The following ZNF831 variants were observed in gnomAD, a reference collection of about 807,000 sequenced individuals.
The protein encoded by ZNF831 is chromosome 20 open reading frame 174.
A neutral mutation model predicts 95.8 loss-of-function variants in ZNF831; 59 were observed. The ratio of observed to expected loss-of-function variants is 0.62; its 90% CI spans 0.50 to 0.77. The LOEUF is 0.77. Ranked by LOEUF, ZNF831 falls within the 30% of genes least tolerant of loss-of-function variation. The pLI is 0.00. For synonymous variants in ZNF831, 961 were observed against 925.5 expected (o/e 1.04, Z -0.70); for missense variants, 2,205 against 2,164.0 (o/e 1.02, Z -0.38).
At position 59,192,703 on chromosome 20, in the gene ZNF831, G is replaced by A. The variant is rs751527323; in HGVS notation, c.1684G>A (p.Val562Ile). 6.3e-7 allele frequency: 1 copy of A among 1,593,878 alleles called. No homozygotes were observed. The highest frequency in any genetic ancestry group is 1.1e-5 in the South Asian group (1 of 88,828). ...DVPSGHPRALVRQAAVEDLPG... is the reference protein window; with the variant it reads ...DVPSGHPRALIRQAAVEDLPG... ...TCCCAGTGGGCATCCCCGGGCCCTG[G>A]TCAGACAGGCCGCGGTGGAGGACCT... The change falls in exon 2 of 6, where the codon GTC becomes ATC. Residue 562 changes from valine to isoleucine, a missense_variant. Physicochemically the swap from Val to Ile is conservative, Grantham distance 29 (BLOSUM62 3). Transcript: ENST00000371030. This position sits in a 1 kb window ranked among gnomAD's most constrained non-coding sequence, Gnocchi z 5.2.
intron 1 of ZNF831, among the ~76,000 whole-genome samples, chr20:59,171,225 A>G (rs1981708657): frequency 6.6e-6 from 1 of 152,222 alleles, no homozygotes; most frequent in Non-Finnish European, 1.5e-5. Context: ...TGGAAACTGC[A>G]GGAAGCCTCT....
chr20:59,188,746 C>CAG (rs1983270076), intron 1 of ZNF831, among the ~76,000 whole-genome samples: 1 of 152,188 alleles, frequency 6.6e-6, no homozygotes, highest in South Asian at 2.1e-4. Flanking sequence ...ATATATCATG[C>CAG]ATATAATTTG....
At chr20:59,146,471 C>G (rs181268431) in intron 2 of ZNF831, 1 of 152,308 alleles carries the variant, frequency 6.6e-6, no homozygotes, top group East Asian at 1.9e-4. Flanking sequence ...CTGTTGCCTC[C>G]CGAGTGATTC....
intron 4 of ZNF831, among the ~76,000 whole-genome samples, chr20:59,235,651 C>A (rs1016557825): frequency 2.6e-5 from 4 of 152,188 alleles, no homozygotes; most frequent in African/African-American, 9.6e-5. Flanking sequence ...ATACCCTGGA[C>A]CTATAATCAG....
chr20:59,166,986 T>C lies in ZNF831; in HGVS notation c.-37+2779T>C, dbSNP rs1981323209. Among the ~76,000 whole-genome samples the C allele has an allele frequency of 3.3e-5, 5 of 152,256 alleles. No homozygotes were observed. The South Asian group carries it at 1.0e-3, about 31-fold the overall frequency. On this transcript the variant is annotated intron_variant, in intron 1 of 5. Coordinates refer to ENST00000371030, the MANE Select transcript of ZNF831 (RefSeq NM_178457.3). ...TTGAATAATAGTCCCATGTTTGATT[T>C]GTTAAGAAATGGCCACCCTTTTTTC...
At chr20:59,232,044 A>C (rs139035776) in intron 4 of ZNF831, among the ~76,000 whole-genome samples, 1 of 152,276 alleles carries the variant, frequency 6.6e-6, no homozygotes, top group East Asian at 1.9e-4. Flanking sequence ...GGGAGATCTT[A>C]TGGATAGACC....
intron 3 of ZNF831, among the ~76,000 whole-genome samples, chr20:59,204,802 G>T (rs1174363082): frequency 6.6e-6 from 1 of 152,192 alleles, no homozygotes; most frequent in Non-Finnish European, 1.5e-5. Flanking sequence ...GAGGGGACTT[G>T]CATGGCTGGT....
At chr20:59,149,967 C>T (rs561277475) in intron 2 of ZNF831, among the ~76,000 whole-genome samples, 247 of 152,336 alleles carry the variant, frequency 1.6e-3, no homozygotes, top group African/African-American at 5.7e-3. Flanking sequence ...CCCTTTGCCC[C>T]GCCATGGCCC....
chr20:59,144,941 C>T (rs538252730), intron 1 of ZNF831, among the ~76,000 whole-genome samples: 1 of 152,194 alleles, frequency 6.6e-6, no homozygotes, highest in African/African-American at 2.4e-5. Flanking sequence ...ATTTGTCCCA[C>T]AGTGCTTGTT....
chr20:59,197,231 G>A (rs1299319603), intron 3 of ZNF831, among the ~76,000 whole-genome samples: 4 of 152,100 alleles, frequency 2.6e-5, no homozygotes, highest in Admixed American at 6.5e-5. Flanking sequence ...ATGGTCTGCC[G>A]GGACCATGTG....
At chr20:59,176,077 A>G (rs1339349582) in intron 1 of ZNF831, among the ~76,000 whole-genome samples, 1 of 152,216 alleles carries the variant, frequency 6.6e-6, no homozygotes, top group Non-Finnish European at 1.5e-5. Context: ...TGCCTCCCAC[A>G]GAAAGAGGGA....
At chr20:59,123,871 T>C (rs1979080579) in intron 1 of ZNF831, among the ~76,000 whole-genome samples, 1 of 152,214 alleles carries the variant, frequency 6.6e-6, no homozygotes. Flanking sequence ...ATCAGGCATC[T>C]CATCCACAGA....
intron 1 of ZNF831, among the ~76,000 whole-genome samples, chr20:59,128,109 G>A (rs1449074866): frequency 1.3e-5 from 2 of 152,146 alleles, no homozygotes; most frequent in Non-Finnish European, 2.9e-5. Context: ...AGACATTTAT[G>A]TAAATTTTCA....
At chr20:59,225,734 A>G (rs547806601) in intron 4 of ZNF831, among the ~76,000 whole-genome samples, 7 of 152,224 alleles carry the variant, frequency 4.6e-5, no homozygotes, top group Non-Finnish European at 1.0e-4. Flanking sequence ...GCAGGCCTCC[A>G]TGGAGTTCAC....
intron 1 of ZNF831, among the ~76,000 whole-genome samples, chr20:59,184,321 C>T (rs1051201051): frequency 1.6e-4 from 24 of 152,186 alleles, no homozygotes; most frequent in African/African-American, 3.6e-4. Flanking sequence ...AATTACAATG[C>T]TGATGTTTAC....
chr20:59,188,091 T>G (rs1464086646), intron 1 of ZNF831, among the ~76,000 whole-genome samples: 2 of 152,246 alleles, frequency 1.3e-5, no homozygotes, highest in East Asian at 3.8e-4. Flanking sequence ...CTATTTTGAA[T>G]AAAGCTACTG....
chr20:59,126,599 G>A (rs236717), intron 1 of ZNF831, among the ~76,000 whole-genome samples: 118,109 of 152,148 alleles, frequency 0.78, 47,347 homozygotes, highest in East Asian at 0.95. Flanking sequence ...GCCTGCTCCC[G>A]TCTCCAGCTG....
Position 59,194,376 on chromosome 20 carries a change from G to A in ZNF831, c.3357G>A (p.Leu1119=), listed in dbSNP as rs1983903375. Residue 1119 remains leucine, a synonymous_variant, in exon 2 of 6, where the codon CTG becomes CTA. Transcript: ENST00000371030. ...CAGAAGATCCTTCTTCAGGGCCCCT[G>A]GTGGGCCCCGACCCGTGTTCCCCCC... is the stretch of plus-strand genomic sequence containing the variant. ...NAPEDPSSGP[L]VGPDPCSPLQ... 6.8e-6 allele frequency: 11 copies of A among 1,611,068 alleles called. No homozygotes were observed. Among genetic ancestry groups the A allele is most frequent in the Non-Finnish European group, 9.3e-6 (11 of 1,178,724 alleles).
chr20:59,139,075 A>C (rs935568289), intron 1 of ZNF831, among the ~76,000 whole-genome samples: 1 of 152,104 alleles, frequency 6.6e-6, no homozygotes, highest in Non-Finnish European at 1.5e-5. Flanking sequence ...AAATAACGTG[A>C]CAATTTATAA....
Sources: gnomAD v4.1 joint callset for allele counts (sites outside exome capture counted in the v4.1 genomes callset) on GRCh38, gnomAD v4.1.1 for gene constraint, Gnocchi (gnomAD v3.1) non-coding constraint, MANE v1.5 for transcripts, NCBI Gene and HGNC (gene_info 2026-07-23, HGNC 2026-07-21) for gene names.